R3HDM2: variants seen among roughly 807,000 people sequenced by gnomAD.
R3HDM2 encodes the protein R3H domain-containing protein 2.
A neutral mutation model predicts 124.5 loss-of-function variants in R3HDM2; 38 were observed. The observed-to-expected ratio is 0.31, with a 90% CI of 0.24 to 0.40. The LOEUF is 0.40. R3HDM2 is among the 10% of genes least tolerant of loss of function. The pLI, the probability that R3HDM2 is intolerant of heterozygous loss-of-function variation, is 1.00. For missense variants in R3HDM2, 869 were observed against 1,236.9 expected (o/e 0.70, Z 4.46); for synonymous variants, 391 against 448.0 (o/e 0.87, Z 1.61).
intron 2 of R3HDM2, among the ~76,000 whole-genome samples, chr12:57,333,442 C>A (rs1044447731): frequency 3.3e-5 from 5 of 152,196 alleles, no homozygotes; most frequent in Admixed American, 3.3e-4. Context: ...GTAATCCCAA[C>A]ACTTTGGGAG....
chr12:57,266,112 T>C (rs1181274813), intron 19 of R3HDM2, among the ~76,000 whole-genome samples: 4 of 148,884 alleles, frequency 2.7e-5, no homozygotes, highest in East Asian at 2.0e-4. Context: ...TTTTCTTTTT[T>C]TTTTTTTTTT....
chr12:57,356,827 T>C (rs1006630882), intron 2 of R3HDM2, among the ~76,000 whole-genome samples: 4 of 152,206 alleles, frequency 2.6e-5, no homozygotes, highest in Admixed American at 6.5e-5. Context: ...ACAGTAAAAT[T>C]TGGCCGGGCG....
intron 19 of R3HDM2, 43 bp downstream of exon 19, chr12:57,266,688 G>T: frequency 6.8e-7 from 1 of 1,465,938 alleles, no homozygotes; most frequent in Non-Finnish European, 9.5e-7. Flanking sequence ...AGCAATGTTT[G>T]CTCTTGTCAG....
chr12:57,401,243 G>A (rs1594495833), intron 1 of R3HDM2, among the ~76,000 whole-genome samples: 1 of 151,598 alleles, frequency 6.6e-6, no homozygotes, highest in African/African-American at 2.4e-5. Flanking sequence ...CTTGTGACTT[G>A]CTTCAACCAT....
At chr12:57,393,083 C>T (rs949099929) in intron 2 of R3HDM2, among the ~76,000 whole-genome samples, 2 of 150,652 alleles carry the variant, frequency 1.3e-5, no homozygotes, top group Non-Finnish European at 3.0e-5. Flanking sequence ...GGATTACAGG[C>T]GTCAGCCACT....
chr12:57,426,663 CTGAGA>C (rs1256728154), intron 1 of R3HDM2, among the ~76,000 whole-genome samples: 2 of 152,168 alleles, frequency 1.3e-5, no homozygotes. Flanking sequence ...CACAATAAAT[CTGAGA>C]TAAGACTACC....
At chr12:57,421,892 T>C (rs11614506) in intron 1 of R3HDM2, among the ~76,000 whole-genome samples, 24,684 of 151,666 alleles carry the variant, frequency 0.16, 2,673 homozygotes, top group Admixed American at 0.27. Context: ...AGATCAGGAG[T>C]TCACGACCAA....
rs2038405354 is a variant in R3HDM2 at position 57,254,812 on chromosome 12, GTTC to G, written c.2931_2933del (p.Lys977del). On this transcript the variant is annotated inframe_deletion, in exon 24 of 24. Transcript: ENST00000402412. ...CTCGCTCCAGGATCCTCAGGTCATAGTTCTTTTTGGCCATTCGAAGTTTGAAGC... is the reference window on the plus strand; with the variant it reads ...CTCGCTCCAGGATCCTCAGGTCATAGTTTTTGGCCATTCGAAGTTTGAAGC... 1.2e-6 allele frequency: 2 copies of G among 1,604,248 alleles called. No individual in the cohort carries two copies. Among genetic ancestry groups the G allele is most frequent in the Non-Finnish European group, 8.5e-7 (1 of 1,173,354 alleles).
intron 19 of R3HDM2, among the ~76,000 whole-genome samples, chr12:57,261,753 G>A (rs1193373368): frequency 3.4e-5 from 4 of 117,352 alleles, no homozygotes; most frequent in African/African-American, 1.4e-4. Flanking sequence ...CTTAATAGAC[G>A]TGGCAAAAAA....
intron 2 of R3HDM2, among the ~76,000 whole-genome samples, chr12:57,343,494 T>G (rs1056008083): frequency 6.6e-6 from 1 of 151,720 alleles, no homozygotes; most frequent in African/African-American, 2.4e-5. Flanking sequence ...TAGCCTCGGA[T>G]CTTAATTTTT....
chr12:57,330,759 C>T (rs1445370939), intron 2 of R3HDM2, among the ~76,000 whole-genome samples: 43 of 135,284 alleles, frequency 3.2e-4, no homozygotes, highest in African/African-American at 1.1e-3. Flanking sequence ...AGTGCAGTGG[C>T]GCAATCTCAG....
intron 7 of R3HDM2, 99 bp downstream of exon 7, chr12:57,297,991 C>T (rs1390974158): frequency 1.2e-6 from 1 of 817,026 alleles, no homozygotes; most frequent in African/African-American, 1.7e-5. Context: ...GATGAGCATC[C>T]TAGATTCTAA....
chr12:57,410,965 G>A (rs553504722), intron 1 of R3HDM2, among the ~76,000 whole-genome samples: 101 of 152,308 alleles, frequency 6.6e-4, no homozygotes, highest in African/African-American at 2.3e-3. Flanking sequence ...ATTTGGCCAA[G>A]TAACAGAAAT....
At chr12:57,352,729 A>T (rs538214266) in intron 2 of R3HDM2, among the ~76,000 whole-genome samples, 113 of 151,990 alleles carry the variant, frequency 7.4e-4, no homozygotes, top group African/African-American at 2.6e-3. Flanking sequence ...CCTAACCTCA[A>T]ATGATCCACC....
intron 2 of R3HDM2, among the ~76,000 whole-genome samples, chr12:57,386,571 G>T (rs1054990992): frequency 6.6e-6 from 1 of 152,208 alleles, no homozygotes; most frequent in Non-Finnish European, 1.5e-5. Context: ...GGGCTCCTGC[G>T]CAGCCTGAGC....
chr12:57,300,450 T>C (rs1017790880), intron 4 of R3HDM2, among the ~76,000 whole-genome samples: 1 of 152,216 alleles, frequency 6.6e-6, no homozygotes, highest in African/African-American at 2.4e-5. Flanking sequence ...CTCAGCCCTC[T>C]TCTCTCTTCA....
At position 57,389,844 on chromosome 12, in the gene R3HDM2, GC is replaced by G. The variant is rs541981803; in HGVS notation, c.-36+5904del. Among the ~76,000 whole-genome samples, 50 of 152,274 alleles carry G rather than the reference GC, an allele frequency of 3.3e-4. 1 individual carries two copies. Among genetic ancestry groups the G allele is most frequent in the African/African-American group, 1.1e-3 (46 of 41,560 alleles). ...AGAAAGGATATATTATCATGCACAA[GC>G]TGTCACTAAAATATTTTCACACCAT... On this transcript the variant is annotated intron_variant, in intron 2 of 23. Transcript: ENST00000402412.
intron 2 of R3HDM2, among the ~76,000 whole-genome samples, chr12:57,321,297 C>G (rs1160818262): frequency 6.6e-6 from 1 of 152,146 alleles, no homozygotes; most frequent in Non-Finnish European, 1.5e-5. Flanking sequence ...GAAATACAGA[C>G]AGTCCCAAGC....
chr12:57,330,225 C>A (rs549141340), intron 2 of R3HDM2, among the ~76,000 whole-genome samples: 2 of 151,986 alleles, frequency 1.3e-5, no homozygotes, highest in Non-Finnish European at 2.9e-5. Context: ...CTCAGCTTCC[C>A]AAAGTGCTGG....
Sources: allele counts gnomAD v4.1 joint callset (sites outside exome capture counted in the v4.1 genomes callset), GRCh38; gene constraint gnomAD v4.1.1; transcripts MANE v1.5; gene names NCBI Gene and HGNC (gene_info 2026-07-23, HGNC 2026-07-21).